Variants in PDGFRB observed in about 807,000 individuals in gnomAD.
The protein encoded by PDGFRB is platelet derived growth factor receptor beta, also known as platelet-derived growth factor receptor beta.
Under a neutral mutation model 120.2 loss-of-function variants are expected in PDGFRB, and 42 were observed. The observed-to-expected ratio is 0.35, with a 90% CI of 0.27 to 0.45. The LOEUF is 0.45. PDGFRB is among the 20% of genes least tolerant of loss of function. The pLI is 1.00. For synonymous variants in PDGFRB, 586 were observed against 606.8 expected (o/e 0.97, Z 0.50); for missense variants, 1,149 against 1,476.3 (o/e 0.78, Z 3.63).
At position 150,124,765 on chromosome 5, in the gene PDGFRB, G is replaced by GCC; in HGVS notation, c.1873_1874insGG (p.Ser625TrpfsTer6). The GCC allele has an allele frequency of 6.2e-7, 1 of 1,606,206 alleles. No homozygotes were observed. Among genetic ancestry groups the GCC allele is most frequent in the Non-Finnish European group, 8.5e-7 (1 of 1,173,706 alleles). Reference sequence around the variant, plus strand: ...GACGGCCACTTTCATCGTGGCCTGAGAATGGCTCAGGCCATGAGCCGTGGC... The same window carrying GCC: ...GACGGCCACTTTCATCGTGGCCTGAGCCAATGGCTCAGGCCATGAGCCGTGGC... On this transcript the variant is annotated frameshift_variant, in exon 13 of 23. Transcript: ENST00000261799. LOFTEE classifies it high-confidence loss of function.
intron 22 of PDGFRB, 89 bp downstream of exon 22, chr5:150,117,529 C>A (rs1018298899): frequency 2.3e-6 from 1 of 434,696 alleles, no homozygotes; most frequent in African/African-American, 2.9e-5. Context: ...AACCTGGCAG[C>A]GCGCGCGCGC....
At chr5:150,148,429 C>T (rs894174471) in intron 1 of PDGFRB, among the ~76,000 whole-genome samples, 10 of 152,250 alleles carry the variant, frequency 6.6e-5, no homozygotes, top group Non-Finnish European at 1.3e-4. Context: ...GGCTAGGGAA[C>T]TGGCATGGAT....
intron 5 of PDGFRB, 32 bp downstream of exon 5, chr5:150,133,849 C>T: frequency 1.2e-6 from 2 of 1,613,680 alleles, no homozygotes; most frequent in Non-Finnish European, 1.7e-6. Flanking sequence ...GTTCCTGGCC[C>T]CTCCTCCGAC....
intron 13 of PDGFRB, 114 bp downstream of exon 13, chr5:150,124,613 G>A (rs1580799786): frequency 1.6e-6 from 1 of 630,274 alleles, no homozygotes; most frequent in South Asian, 2.0e-5. Flanking sequence ...GCAGTGTGAT[G>A]GCCCCTCTAG....
At chr5:150,147,248 C>T (rs1760947471) in intron 1 of PDGFRB, among the ~76,000 whole-genome samples, 1 of 152,184 alleles carries the variant, frequency 6.6e-6, no homozygotes, top group African/African-American at 2.4e-5. Context: ...CATCCTGCTG[C>T]TGCCCTCCCC....
rs1211773922 is a variant in PDGFRB, at chr5:150,121,359, T to C, written c.2345-37A>G. On this transcript the variant is annotated intron_variant, in intron 16 of 22. Coordinates refer to ENST00000261799, the MANE Select transcript of PDGFRB (RefSeq NM_002609.4). This position sits in a 1 kb window ranked among gnomAD's most constrained non-coding sequence, Gnocchi z 4.1. ...GCAGAGGGTCACCTGCTATCTTATATCTCCTTCTGGCCCACAGGACCCCTG... is the reference window on the plus strand; with the variant it reads ...GCAGAGGGTCACCTGCTATCTTATACCTCCTTCTGGCCCACAGGACCCCTG... 1 of 950,414 alleles carries C rather than the reference T, an allele frequency of 1.1e-6. No individual in the cohort carries two copies. The highest frequency in any genetic ancestry group is 2.4e-5 in the East Asian group (1 of 41,948). 58.9% of individuals were successfully genotyped at this position (950,414 alleles called of 1,614,324 possible). A position where few individuals can be genotyped will look rare whatever the true frequency, so the allele number is the denominator to read the frequency against.
chr5:150,151,342 A>G (rs1394251675), intron 1 of PDGFRB, among the ~76,000 whole-genome samples: 2 of 152,158 alleles, frequency 1.3e-5, no homozygotes, highest in African/African-American at 2.4e-5. Flanking sequence ...ACAGTCCCAT[A>G]GGGTTCTAGG....
chr5:150,133,158 C>T (rs1003348281), intron 6 of PDGFRB, among the ~76,000 whole-genome samples: 7 of 152,200 alleles, frequency 4.6e-5, no homozygotes, highest in Non-Finnish European at 7.4e-5. Context: ...AGGTTGGGAA[C>T]AGAGTTGTAC....
intron 1 of PDGFRB, among the ~76,000 whole-genome samples, chr5:150,148,361 A>G (rs1156699757): frequency 6.6e-6 from 1 of 152,262 alleles, no homozygotes; most frequent in African/African-American, 2.4e-5. Context: ...ATGGCTCTGT[A>G]GGGTCAGCTC....
chr5:150,144,031 C>T (rs900208315), intron 1 of PDGFRB, among the ~76,000 whole-genome samples: 6 of 152,122 alleles, frequency 3.9e-5, no homozygotes, highest in Admixed American at 6.5e-5. Flanking sequence ...CAGCAGAAAT[C>T]GACTAAGATG....
At chr5:150,135,101 T>C in intron 3 of PDGFRB, 85 bp from the exon 4 acceptor site, 2 of 704,578 alleles carry the variant, frequency 2.8e-6, no homozygotes, top group Non-Finnish European at 5.0e-6. Context: ...TCATTTGCCA[T>C]CTCTGGCCCT....
intron 8 of PDGFRB, 52 bp downstream of exon 8, chr5:150,131,927 C>T (rs369235769): frequency 1.8e-4 from 172 of 953,322 alleles, no homozygotes; most frequent in East Asian, 3.2e-4. Context: ...GGAGAGGGAA[C>T]GGGGGCAGGG....
chr5:150,120,928 C>T lies in PDGFRB; in HGVS notation c.2546G>A (p.Arg849Gln), dbSNP rs770930584. 6.2e-7 allele frequency: 1 copy of T among 1,613,984 alleles called. No homozygotes were observed. Among genetic ancestry groups the T allele is most frequent in the Non-Finnish European group, 8.5e-7 (1 of 1,179,934 alleles). ...GTAATTCGAGTCCCGCATGATGTCT[C>T]GAGCCAGGCCAAAGTCACAGATCTT... The part of the protein sequence containing the change: ...LVKICDFGLA[R>Q]DIMRDSNYIS... Residue 849 changes from arginine (R) to glutamine (Q), a missense_variant, in exon 18 of 23, where the codon CGA becomes CAA. Around this residue, in one of 3 missense-constraint regions of PDGFRB, gnomAD observed 68 missense variants for 153.3 expected, o/e 0.44. Coordinates refer to ENST00000261799, the MANE Select transcript of PDGFRB (RefSeq NM_002609.4). The surrounding 1 kb of genome is among the most constrained non-coding windows in gnomAD (Gnocchi z 4.3).
chr5:150,124,958 G>A, intron 12 of PDGFRB, 127 bp from the exon 13 acceptor site: 1 of 585,260 alleles, frequency 1.7e-6, no homozygotes, highest in Non-Finnish European at 3.0e-6. Context: ...AGGGGAAAGA[G>A]CCACTCTCTT....
rs1206826940 is a variant in PDGFRB, at chr5:150,114,677, G to A, written c.*1086C>T. ...GTGATGTGTGATCTGGAATCTCCCA[G>A]GAGCCCAGCTGACCCCCAGGATGGA... is the stretch of plus-strand genomic sequence containing the variant. On this transcript the variant is annotated 3_prime_UTR_variant, in exon 23 of 23. Transcript: ENST00000261799. The A allele has an allele frequency of 8.6e-6, 2 of 233,136 alleles. No homozygotes were observed. Among genetic ancestry groups the A allele is most frequent in the African/African-American group, 2.2e-5 (1 of 45,136 alleles). 14.4% of individuals were successfully genotyped at this position (233,136 alleles called of 1,614,324 possible).
chr5:150,121,850 G>A lies in PDGFRB; in HGVS notation c.2344+30C>T. On this transcript the variant is annotated intron_variant, in intron 16 of 22. Coordinates refer to ENST00000261799, the MANE Select transcript of PDGFRB (RefSeq NM_002609.4). This position sits in a 1 kb window ranked among gnomAD's most constrained non-coding sequence, Gnocchi z 4.1. Reference sequence around the variant, plus strand: ...GTGAAGAGCATCAGCCTGTTTGGATGTGGGGTACTATGTCACTATGTCCAC... The same window carrying A: ...GTGAAGAGCATCAGCCTGTTTGGATATGGGGTACTATGTCACTATGTCCAC... 1 of 1,561,410 alleles carries A rather than the reference G, an allele frequency of 6.4e-7. No homozygotes were observed. The highest frequency in any genetic ancestry group is 8.8e-7 in the Non-Finnish European group (1 of 1,133,308).
In PDGFRB at chr5:150,121,069, A is replaced by G; in HGVS notation, c.2464-59T>C. The G allele has an allele frequency of 6.3e-7, 1 of 1,582,016 alleles. No homozygotes were observed. The highest frequency in any genetic ancestry group is 8.7e-7 in the Non-Finnish European group (1 of 1,151,182). On this transcript the variant is annotated intron_variant, in intron 17 of 22. Coordinates refer to ENST00000261799, the MANE Select transcript of PDGFRB (RefSeq NM_002609.4). This position sits in a 1 kb window ranked among gnomAD's most constrained non-coding sequence, Gnocchi z 4.1. ...GGACAATTGTGGGGAAAGACCCTTC[A>G]TGTCAAGGGCTTTGGGAAAATACAA...
rs1280321759 is a variant in PDGFRB at position 150,121,945 on chromosome 5, TCTC to T, written c.2276_2278del (p.Gly759del). ...GGACTCGATGTCTGCATATTTGACG[TCTC>T]CTTTCATGTCCAGCATGGGCACATA... On this transcript the variant is annotated inframe_deletion, in exon 16 of 23. Coordinates refer to ENST00000261799, the MANE Select transcript of PDGFRB (RefSeq NM_002609.4). The surrounding 1 kb of genome is among the most constrained non-coding windows in gnomAD (Gnocchi z 4.1). 3 of 1,613,478 alleles carry T rather than the reference TCTC, an allele frequency of 1.9e-6. No homozygotes were observed. Among genetic ancestry groups the T allele is most frequent in the Middle Eastern group, 1.7e-4 (1 of 6,058 alleles).
At chr5:150,116,841 C>T (rs1387685083) in intron 22 of PDGFRB, among the ~76,000 whole-genome samples, 1 of 152,140 alleles carries the variant, frequency 6.6e-6, no homozygotes, top group East Asian at 1.9e-4. Context: ...GGCCGGTGTG[C>T]ACTCCTGGCA....
Sources: allele counts gnomAD v4.1 joint callset (sites outside exome capture counted in the v4.1 genomes callset), GRCh38; gene constraint gnomAD v4.1.1; regional missense constraint gnomAD v4.1.1; non-coding constraint Gnocchi (gnomAD v3.1); transcripts MANE v1.5; gene names NCBI Gene and HGNC (gene_info 2026-07-23, HGNC 2026-07-21).